The following NKAIN2 variants were observed in gnomAD, a reference collection of about 807,000 sequenced individuals.
NKAIN2 encodes sodium/potassium transporting ATPase interacting 2.
In NKAIN2, 14 loss-of-function variants were observed where a neutral mutation model predicts 32.6. The ratio of observed to expected loss-of-function variants is 0.43; its 90% CI spans 0.28 to 0.67. The LOEUF is 0.67. Among genes scored for constraint, NKAIN2 ranks in the 30% least tolerant of loss-of-function variants. NKAIN2 has a pLI of 0.17. For missense variants in NKAIN2, 198 were observed against 258.3 expected, an observed-to-expected ratio of 0.77 and a Z score of 1.60; for synonymous variants, 80 against 87.2, an observed-to-expected ratio of 0.92 and a Z score of 0.46.
chr6:124,638,744 A>G (rs1056513532), intron 3 of NKAIN2, among the ~76,000 whole-genome samples: 7 of 152,000 alleles, frequency 4.6e-5, no homozygotes, highest in African/African-American at 1.7e-4. Context: ...AAATACAAAA[A>G]GCCAGACGTG....
chr6:124,630,616 G>A (rs1583551258), intron 3 of NKAIN2, among the ~76,000 whole-genome samples: 1 of 151,910 alleles, frequency 6.6e-6, no homozygotes, highest in East Asian at 1.9e-4. Flanking sequence ...GAATTATTTA[G>A]ACTAAAAAAA....
At chr6:124,530,323 A>G (rs1034880352) in intron 3 of NKAIN2, among the ~76,000 whole-genome samples, 10 of 152,304 alleles carry the variant, frequency 6.6e-5, no homozygotes, top group Admixed American at 5.2e-4. Flanking sequence ...AAGAGAAAAT[A>G]TATTTACTAT....
intron 1 of NKAIN2, among the ~76,000 whole-genome samples, chr6:124,058,881 G>A (rs1163803615): frequency 6.6e-6 from 1 of 152,028 alleles, no homozygotes; most frequent in Non-Finnish European, 1.5e-5. Context: ...TGTCTGTCCT[G>A]CAAAATCTAA....
intron 3 of NKAIN2, among the ~76,000 whole-genome samples, chr6:124,650,685 TA>T (rs1377284587): frequency 6.6e-6 from 1 of 152,176 alleles, no homozygotes; most frequent in East Asian, 1.9e-4. Context: ...ACGCATGGCC[TA>T]ATCACCTCTT....
intron 1 of NKAIN2, among the ~76,000 whole-genome samples, chr6:123,888,927 C>T (rs1773863261): frequency 6.6e-6 from 1 of 152,104 alleles, no homozygotes. Context: ...TCAGCTCTGG[C>T]TGCTTTTAAA....
At chr6:124,103,676 G>A (rs1784989074) in intron 1 of NKAIN2, among the ~76,000 whole-genome samples, 1 of 152,128 alleles carries the variant, frequency 6.6e-6, no homozygotes, top group African/African-American at 2.4e-5. Context: ...TCACTGACTA[G>A]GAAGCATTAA....
At chr6:124,485,033 C>T (rs1411328108) in intron 3 of NKAIN2, among the ~76,000 whole-genome samples, 4 of 152,102 alleles carry the variant, frequency 2.6e-5, no homozygotes, top group Non-Finnish European at 5.9e-5. Flanking sequence ...AGGCCAGTAC[C>T]AGGGGTCAGA....
At chr6:124,585,635 A>G (rs907173160) in intron 3 of NKAIN2, among the ~76,000 whole-genome samples, 1 of 152,236 alleles carries the variant, frequency 6.6e-6, no homozygotes, top group Non-Finnish European at 1.5e-5. Context: ...ACATCTGATC[A>G]GACATTTTTT....
rs541976128 is a variant in NKAIN2 at position 124,343,738 on chromosome 6, G to T, written c.193-11529G>T. Among the ~76,000 whole-genome samples, 10 of 150,174 alleles carry T rather than the reference G, an allele frequency of 6.7e-5. No homozygotes were observed. The East Asian group carries it at 2.0e-3, about 30-fold the overall frequency. ...TGTAGATTCTGGATATTAGCCCTTT[G>T]TCAGAAGAGTAGTTTGCAAAAATTT... On this transcript the variant is annotated intron_variant, in intron 2 of 6. Coordinates refer to ENST00000368417, the MANE Select transcript of NKAIN2 (RefSeq NM_001040214.3).
chr6:124,810,414 G>T (rs933609337), intron 5 of NKAIN2, among the ~76,000 whole-genome samples: 1 of 151,812 alleles, frequency 6.6e-6, no homozygotes, highest in African/African-American at 2.4e-5. Context: ...ATTCTCATTC[G>T]TAGGTGGGAA....
chr6:124,342,198 G>A (rs1420133908), intron 2 of NKAIN2, among the ~76,000 whole-genome samples: 3 of 151,628 alleles, frequency 2.0e-5, no homozygotes, highest in Admixed American at 2.0e-4. Context: ...TCAGAAGATC[G>A]AGACCATCTT....
chr6:124,517,449 G>T (rs1303574135), intron 3 of NKAIN2, among the ~76,000 whole-genome samples: 2 of 151,984 alleles, frequency 1.3e-5, no homozygotes, highest in Admixed American at 1.3e-4. Context: ...TGCCCTCAAA[G>T]TACTCCACAC....
Position 124,779,241 on chromosome 6 carries a change from C to T in NKAIN2, c.475-12098C>T, listed in dbSNP as rs1162772884. Among the ~76,000 whole-genome samples the T allele has an allele frequency of 7.7e-5, 7 of 90,990 alleles. 1 individual carries two copies. Among genetic ancestry groups the T allele is most frequent in the African/African-American group, 2.5e-4 (6 of 23,850 alleles). The allele number at this position is 90,990 out of a possible 152,430, so 59.7% of individuals were successfully genotyped here. Reference sequence around the variant, plus strand: ...CCTGGGCGACAGAGCCAGACTCCAACAAAGAAAGAGAGAGAGAGAGAGAGA... The same window carrying T: ...CCTGGGCGACAGAGCCAGACTCCAATAAAGAAAGAGAGAGAGAGAGAGAGA... On this transcript the variant is annotated intron_variant, in intron 4 of 6. Transcript: ENST00000368417.
intron 3 of NKAIN2, among the ~76,000 whole-genome samples, chr6:124,357,558 T>G (rs2115155433): frequency 6.6e-6 from 1 of 152,282 alleles, no homozygotes; most frequent in Admixed American, 6.5e-5. Context: ...GTGTCTACCC[T>G]ATGAATGGAT....
chr6:124,187,980 C>A (rs1053857472), intron 1 of NKAIN2, among the ~76,000 whole-genome samples: 1 of 152,046 alleles, frequency 6.6e-6, no homozygotes, highest in Non-Finnish European at 1.5e-5. Context: ...TTTGCCTGTC[C>A]ATTGTGTCAT....
intron 1 of NKAIN2, among the ~76,000 whole-genome samples, chr6:123,987,381 T>C (rs1383946184): frequency 1.3e-5 from 2 of 152,172 alleles, no homozygotes; most frequent in African/African-American, 4.8e-5. Context: ...TAATGATCTG[T>C]TTTTGGAATG....
At chr6:124,290,554 G>A (rs802499) in intron 2 of NKAIN2, among the ~76,000 whole-genome samples, 146,826 of 149,120 alleles carry the variant, frequency 0.98, 72,290 homozygotes, top group East Asian at 1. Context: ...GTGTGTGTGC[G>A]TCTGTGTTGC....
chr6:124,389,513 A>T (rs2114407668), intron 3 of NKAIN2, among the ~76,000 whole-genome samples: 1 of 152,222 alleles, frequency 6.6e-6, no homozygotes, highest in East Asian at 1.9e-4. Context: ...ATCTCAGTGG[A>T]GGGACATTGC....
intron 1 of NKAIN2, among the ~76,000 whole-genome samples, chr6:124,151,276 G>T (rs1787706696): frequency 6.6e-6 from 1 of 151,594 alleles, no homozygotes; most frequent in Non-Finnish European, 1.5e-5. Flanking sequence ...TTTTATTGAA[G>T]GTATAAATTA....
Sources: allele counts gnomAD v4.1 joint callset (sites outside exome capture counted in the v4.1 genomes callset), GRCh38; gene constraint gnomAD v4.1.1; transcripts MANE v1.5; gene names NCBI Gene and HGNC (gene_info 2026-07-23, HGNC 2026-07-21).